Variants in STAT3 observed in about 807,000 individuals in gnomAD.
STAT3 encodes the protein signal transducer and activator of transcription 3.
STAT3 carries 7 observed loss-of-function variants against 114.3 expected under a neutral mutation model. The observed-to-expected ratio is 0.06, with a 90% confidence interval of 0.03 to 0.11. The LOEUF is 0.11. Ranked by LOEUF, STAT3 falls within the 10% of genes least tolerant of loss-of-function variation. The probability of loss-of-function intolerance (pLI) is 1.00; values close to 1 mark genes in which losing one functional copy is unlikely to be tolerated. For synonymous variants in STAT3, 331 were observed against 354.5 expected (o/e 0.93, Z 0.74); for missense variants, 364 against 960.9 (o/e 0.38, Z 8.21).
chr17:42,383,229 G>C (rs1162080479), intron 1 of STAT3, among the ~76,000 whole-genome samples: 1 of 152,030 alleles, frequency 6.6e-6, no homozygotes, highest in Non-Finnish European at 1.5e-5. Context: ...GCTAATTTTT[G>C]TATTTTTAGT....
At chr17:42,332,076 C>T (rs867449641) in intron 10 of STAT3, among the ~76,000 whole-genome samples, 10 of 151,624 alleles carry the variant, frequency 6.6e-5, no homozygotes, top group East Asian at 2.0e-4. Flanking sequence ...TACAGGCGCG[C>T]GCCACCACGC....
At position 42,337,448 on chromosome 17, in the gene STAT3, G is replaced by C; in HGVS notation, c.784C>G (p.Arg262Gly). ...IGGPPNICLDRLENWITSLAE... is the reference protein window; with the variant it reads ...IGGPPNICLDGLENWITSLAE... ...TTCATCCTTTACCAGTTTTCTAGCC[G>C]ATCTAGGCAGATGTTGGGCGGGCCT... is the stretch of plus-strand genomic sequence containing the variant. The change falls in exon 8 of 24, where the codon CGG (arginine) becomes GGG (glycine). Residue 262 changes from arginine (R) to glycine (G), a missense_variant. Arg to Gly is a moderately radical substitution (Grantham distance 125). This residue lies in a region of STAT3 where 294 missense variants were observed against 745.1 expected (regional missense o/e 0.39). Coordinates refer to ENST00000264657, the MANE Select transcript of STAT3 (RefSeq NM_139276.3). This position sits in a 1 kb window ranked among gnomAD's most constrained non-coding sequence, Gnocchi z 4.0. 1 of 1,614,124 alleles carries C rather than the reference G, an allele frequency of 6.2e-7. No homozygotes were observed. Among genetic ancestry groups the C allele is most frequent in the Non-Finnish European group, 8.5e-7 (1 of 1,180,010 alleles).
chr17:42,346,503 A>G, intron 3 of STAT3, 66 bp downstream of exon 3: 2 of 1,608,344 alleles, frequency 1.2e-6, no homozygotes, highest in Non-Finnish European at 1.7e-6. Flanking sequence ...AGATGCTTCC[A>G]GGAAAGAACA....
chr17:42,364,905 C>T (rs911284330), intron 1 of STAT3, among the ~76,000 whole-genome samples: 5 of 152,182 alleles, frequency 3.3e-5, no homozygotes, highest in Admixed American at 6.5e-5. Flanking sequence ...TTTCCCTATA[C>T]GAAATACTAA....
chr17:42,352,858 TG>T (rs1353149115), intron 1 of STAT3, among the ~76,000 whole-genome samples: 1 of 152,194 alleles, frequency 6.6e-6, no homozygotes, highest in African/African-American at 2.4e-5. Flanking sequence ...ACTTGAAATG[TG>T]GCTGCTTCAA....
chr17:42,329,334 G>C (rs2144763456), intron 14 of STAT3, 76 bp downstream of exon 14: 1 of 1,589,586 alleles, frequency 6.3e-7, no homozygotes, highest in Non-Finnish European at 8.6e-7. Context: ...CTAATTCTGG[G>C]GATTAAGAAG....
At position 42,336,780 on chromosome 17, in the gene STAT3, T is replaced by C. The variant is rs557585491; in HGVS notation, c.797+655A>G. Among the ~76,000 whole-genome samples, 169 of 152,214 alleles carry C rather than the reference T, an allele frequency of 1.1e-3. 2 individuals carry two copies. The highest frequency in any genetic ancestry group is 1.5e-3 in the Non-Finnish European group (105 of 68,006). On this transcript the variant is annotated intron_variant, in intron 8 of 23. Transcript: ENST00000264657. ...TTCTTCTCTTGATTAATTTTCTGTA[T>C]TTGAATTTTTTCCCTTAAAAAGGGC... is the stretch of plus-strand genomic sequence containing the variant.
intron 1 of STAT3, among the ~76,000 whole-genome samples, chr17:42,365,153 T>A (rs1480140581): frequency 6.6e-6 from 1 of 152,136 alleles, no homozygotes; most frequent in Non-Finnish European, 1.5e-5. Flanking sequence ...TTCCAACCAA[T>A]AGAGCATGCT....
chr17:42,368,511 A>G (rs561825673), intron 1 of STAT3, among the ~76,000 whole-genome samples: 5 of 152,224 alleles, frequency 3.3e-5, no homozygotes, highest in African/African-American at 1.2e-4. Context: ...CCAGGCTGGA[A>G]TGCAGTGGTG....
chr17:42,359,528 G>A (rs1179830343), intron 1 of STAT3, among the ~76,000 whole-genome samples: 1 of 152,088 alleles, frequency 6.6e-6, no homozygotes, highest in Admixed American at 6.6e-5. Context: ...AGAGTAAAAG[G>A]TGAAAACACT....
chr17:42,337,741 G>C lies in STAT3; in HGVS notation c.645+22C>G. The C allele has an allele frequency of 6.2e-7, 1 of 1,614,032 alleles. No individual in the cohort carries two copies. The highest frequency in any genetic ancestry group is 8.5e-7 in the Non-Finnish European group (1 of 1,179,872). ...CAAGTGAGCGAGACACATGGGGGAA[G>C]TGGTCCGACCTATGCCCTTACTCTC... On this transcript the variant is annotated intron_variant, in intron 7 of 23. Coordinates refer to ENST00000264657, the MANE Select transcript of STAT3 (RefSeq NM_139276.3). The surrounding 1 kb of genome is among the most constrained non-coding windows in gnomAD (Gnocchi z 4.0).
chr17:42,315,633 G>T lies in STAT3; in HGVS notation c.*112C>A. The T allele has an allele frequency of 8.6e-7, 1 of 1,156,626 alleles. No individual in the cohort carries two copies. Among genetic ancestry groups the T allele is most frequent in the Non-Finnish European group, 1.3e-6 (1 of 770,332 alleles). 71.6% of individuals were successfully genotyped at this position (1,156,626 alleles called of 1,614,324 possible). A position where few individuals can be genotyped will look rare whatever the true frequency, so the allele number is the denominator to read the frequency against. On this transcript the variant is annotated 3_prime_UTR_variant, in exon 24 of 24. Coordinates refer to ENST00000264657, the MANE Select transcript of STAT3 (RefSeq NM_139276.3). ...AGAAGTAGGAGATTAAAAAAAATCT[G>T]GAACCACAAAGTTAGTAGTTTCAGA...
At chr17:42,385,338 A>C (rs2085037838) in intron 1 of STAT3, among the ~76,000 whole-genome samples, 2 of 151,986 alleles carry the variant, frequency 1.3e-5, no homozygotes, top group South Asian at 4.2e-4. Context: ...GTGAAACCTT[A>C]TCTCTACTAA....
In STAT3 at chr17:42,325,058, G is replaced by A; in HGVS notation, c.1369C>T (p.His457Tyr). ...GAGATCACCACAACTGGCAAGGAGT[G>A]GGTCTGCGGAGGGAGTGGGGACTGA... ...HQGLKIDLET[H>Y]SLPVVVISNI... The change falls in exon 16 of 24, where the codon CAC becomes TAC. Residue 457 changes from histidine (H) to tyrosine (Y), a missense_variant. Transcript: ENST00000264657. 6.2e-7 allele frequency: 1 copy of A among 1,613,968 alleles called. No homozygotes were observed. Among genetic ancestry groups the A allele is most frequent in the Non-Finnish European group, 8.5e-7 (1 of 1,179,900 alleles).
chr17:42,351,692 G>C (rs2082968363), intron 1 of STAT3, among the ~76,000 whole-genome samples: 1 of 152,130 alleles, frequency 6.6e-6, no homozygotes, highest in African/African-American at 2.4e-5. Context: ...CAAATAGAGA[G>C]AATGTCAGAA....
chr17:42,368,934 G>A (rs2083953468), intron 1 of STAT3, among the ~76,000 whole-genome samples: 1 of 151,898 alleles, frequency 6.6e-6, no homozygotes, highest in Admixed American at 6.6e-5. Context: ...AGTATCTGTG[G>A]TTTCCTTCTT....
intron 14 of STAT3, 106 bp downstream of exon 14, chr17:42,329,304 G>C: frequency 6.5e-7 from 1 of 1,536,802 alleles, no homozygotes; most frequent in Non-Finnish European, 9.0e-7. Context: ...AACTACAGCT[G>C]AAAGAACAGG....
chr17:42,350,431 T>C (rs1256134988), intron 1 of STAT3, among the ~76,000 whole-genome samples: 2 of 152,068 alleles, frequency 1.3e-5, no homozygotes, highest in African/African-American at 4.8e-5. Flanking sequence ...ACAGGCAGCA[T>C]TGCTGCACCT....
chr17:42,382,317 T>C (rs1051584814), intron 1 of STAT3, among the ~76,000 whole-genome samples: 2 of 152,254 alleles, frequency 1.3e-5, no homozygotes, highest in Admixed American at 6.5e-5. Flanking sequence ...CATTATCTTA[T>C]TGAATCGTCA....
Sources: gnomAD v4.1 joint callset for allele counts (sites outside exome capture counted in the v4.1 genomes callset) on GRCh38, gnomAD v4.1.1 for gene constraint, gnomAD v4.1.1 regional missense constraint, Gnocchi (gnomAD v3.1) non-coding constraint, MANE v1.5 for transcripts, NCBI Gene and HGNC (gene_info 2026-07-23, HGNC 2026-07-21) for gene names.